Variants in MRPL39 observed in about 807,000 individuals in gnomAD.
MRPL39 encodes the protein large ribosomal subunit protein mL39.
Under a neutral mutation model 44.5 loss-of-function variants are expected in MRPL39, and 35 were observed. That is an observed-to-expected ratio of 0.79 (90% CI 0.60 to 1.04). MRPL39 has a LOEUF of 1.04. Ranked by LOEUF, MRPL39 falls within the 50% of genes least tolerant of loss-of-function variation. The pLI, the probability that MRPL39 is intolerant of heterozygous loss-of-function variation, is 0.00. For synonymous variants in MRPL39, 139 were observed against 136.1 expected (o/e 1.02, Z -0.15); for missense variants, 433 against 413.5 (o/e 1.05, Z -0.41).
At chr21:25,598,439 A>AT (rs2031424540) in intron 5 of MRPL39, among the ~76,000 whole-genome samples, 1 of 56,790 alleles carries the variant, frequency 1.8e-5, no homozygotes, top group Non-Finnish European at 4.3e-5. Flanking sequence ...CCATCTCTTT[A>AT]AAAAAAAAAA....
At position 25,603,833 on chromosome 21, in the gene MRPL39, A is replaced by G. The variant is rs2031588311; in HGVS notation, c.383T>C (p.Leu128Pro). ...TCCTGGATCACAATCTTTGAAAGTA[A>G]GAAATTTAATTTCACAGGACTTTGT... ...PLTKSCEIKF[L>P]TFKDCDPGEV... Residue 128 changes from leucine to proline, a missense_variant, in exon 3 of 10, where the codon CTT becomes CCT. Leu to Pro is a moderately conservative substitution (Grantham distance 98). Transcript: ENST00000352957. The G allele has an allele frequency of 6.2e-7, 1 of 1,612,020 alleles. No homozygotes were observed. The highest frequency in any genetic ancestry group is 1.7e-5 in the Admixed American group (1 of 59,472).
At chr21:25,594,251 T>C (rs1568862240) in intron 6 of MRPL39, among the ~76,000 whole-genome samples, 5 of 125,068 alleles carry the variant, frequency 4.0e-5, no homozygotes, top group East Asian at 2.2e-4. Flanking sequence ...TCTTTGTTCT[T>C]TTTTTTTTTT....
At chr21:25,588,540 C>T (rs1242468588) in intron 9 of MRPL39, among the ~76,000 whole-genome samples, 1 of 152,100 alleles carries the variant, frequency 6.6e-6, no homozygotes, top group Non-Finnish European at 1.5e-5. Flanking sequence ...CTAACTGATA[C>T]CATTACAACT....
chr21:25,603,216 G>A (rs1262423131), intron 3 of MRPL39, among the ~76,000 whole-genome samples: 2 of 152,098 alleles, frequency 1.3e-5, no homozygotes, highest in African/African-American at 4.8e-5. Flanking sequence ...ACTCTAAAGA[G>A]GCCAGAGCAA....
chr21:25,597,177 C>G (rs916224014), intron 6 of MRPL39, 125 bp downstream of exon 6: 2 of 626,456 alleles, frequency 3.2e-6, no homozygotes, highest in Non-Finnish European at 5.6e-6. Context: ...TCACAGAGGT[C>G]TCAGACTGGA....
At chr21:25,607,521 C>T (rs756992224), upstream of MRPL39, 3 of 1,590,086 alleles carry the variant, frequency 1.9e-6, no homozygotes, top group Non-Finnish European at 2.6e-6. Context: ...CCGCCCTCCT[C>T]CCCCGGAAAC....
At chr21:25,601,107 CAAAT>C (rs1345114938) in intron 4 of MRPL39, among the ~76,000 whole-genome samples, 4 of 152,140 alleles carry the variant, frequency 2.6e-5, no homozygotes, top group Non-Finnish European at 5.9e-5. Flanking sequence ...AACTCCGTCT[CAAAT>C]AAATAAATAA....
chr21:25,587,001 T>C (rs1025255375), intron 9 of MRPL39, among the ~76,000 whole-genome samples: 3 of 152,194 alleles, frequency 2.0e-5, no homozygotes, highest in Non-Finnish European at 4.4e-5. Flanking sequence ...CAATAAACAA[T>C]CAGTAAGTCT....
chr21:25,596,119 G>A (rs12482286), intron 6 of MRPL39, among the ~76,000 whole-genome samples: 11,511 of 149,924 alleles, frequency 0.077, 1,077 homozygotes, highest in African/African-American at 0.21. Context: ...TTTTTTTTGA[G>A]ACGGAGTCTC....
At position 25,592,831 on chromosome 21, in the gene MRPL39, G is replaced by C. The variant is rs747211125; in HGVS notation, c.902C>G (p.Ser301Cys). The C allele has an allele frequency of 6.2e-7, 1 of 1,611,724 alleles. No individual in the cohort carries two copies. The change falls in exon 8 of 10, where the codon TCT (serine) becomes TGT (cysteine). Residue 301 changes from serine (S) to cysteine (C), a missense_variant. Coordinates refer to ENST00000352957, the MANE Select transcript of MRPL39 (RefSeq NM_017446.4). ...PSLIRRFQGV[S>C]LPVHLRAHFT... Reference sequence around the variant, plus strand: ...ACTTACTCTTAAGTGAACAGGTAAAGACACGCCCTGGAATCTTCGTATGAG... The same window carrying C: ...ACTTACTCTTAAGTGAACAGGTAAACACACGCCCTGGAATCTTCGTATGAG...
chr21:25,585,968 A>T (rs1270098641), intron 9 of MRPL39, among the ~76,000 whole-genome samples: 2 of 152,198 alleles, frequency 1.3e-5, no homozygotes. Flanking sequence ...CAAAAATATA[A>T]TCTAAGGCAT....
At chr21:25,595,223 A>C (rs2031319969) in intron 6 of MRPL39, among the ~76,000 whole-genome samples, 1 of 152,156 alleles carries the variant, frequency 6.6e-6, no homozygotes, top group Non-Finnish European at 1.5e-5. Context: ...TTATGCAAAA[A>C]CACCCACTGA....
At chr21:25,594,083 C>T in intron 6 of MRPL39, 125 bp from the exon 7 acceptor site, 1 of 748,090 alleles carries the variant, frequency 1.3e-6, no homozygotes, top group Non-Finnish European at 2.2e-6. Flanking sequence ...TTGGAACCTC[C>T]CTTTAATCTG....
chr21:25,605,090 G>A (rs902322013), intron 2 of MRPL39, among the ~76,000 whole-genome samples: 2 of 152,176 alleles, frequency 1.3e-5, no homozygotes, highest in African/African-American at 4.8e-5. Context: ...AGTGAAGGAA[G>A]ATTAAGAGTG....
chr21:25,587,806 T>C, intron 9 of MRPL39: 1 of 1,576,698 alleles, frequency 6.3e-7, no homozygotes, highest in African/African-American at 1.3e-5. Context: ...AGAAAAACTA[T>C]CATGAAGAAA....
At chr21:25,594,138 A>G (rs571801943) in intron 6 of MRPL39, among the ~76,000 whole-genome samples, 180 bp from the exon 7 acceptor site, 1 of 152,272 alleles carries the variant, frequency 6.6e-6, no homozygotes, top group East Asian at 1.9e-4. Flanking sequence ...ACAAAGTCAC[A>G]GACCTGCTTG....
chr21:25,602,261 T>C (rs1438083076), intron 3 of MRPL39, among the ~76,000 whole-genome samples: 1 of 152,242 alleles, frequency 6.6e-6, no homozygotes, highest in Non-Finnish European at 1.5e-5. Context: ...TGTCTCTAAA[T>C]GTCTGTTGAA....
intron 8 of MRPL39, 128 bp from the exon 9 acceptor site, chr21:25,589,010 T>A: frequency 1.3e-6 from 1 of 772,340 alleles, no homozygotes; most frequent in South Asian, 2.1e-5. Context: ...AGATAAGTGG[T>A]TATAAAAGTG....
At chr21:25,589,978 T>C (rs2031120698) in intron 8 of MRPL39, among the ~76,000 whole-genome samples, 1 of 152,196 alleles carries the variant, frequency 6.6e-6, no homozygotes. Context: ...AGTTGGGATT[T>C]GTTCAAGGGA....
Sources: allele counts gnomAD v4.1 joint callset (sites outside exome capture counted in the v4.1 genomes callset), GRCh38; gene constraint gnomAD v4.1.1; transcripts MANE v1.5; gene names NCBI Gene and HGNC (gene_info 2026-07-23, HGNC 2026-07-21).